Variants in PRKCE observed in about 807,000 individuals in gnomAD.
The protein encoded by PRKCE is protein kinase C epsilon type.
A neutral mutation model predicts 85.4 loss-of-function variants in PRKCE; 16 were observed. That is an observed-to-expected ratio of 0.19 (90% CI 0.13 to 0.28). The LOEUF is 0.28. PRKCE is among the 10% of genes least tolerant of loss of function. The pLI is 1.00. For synonymous variants in PRKCE, 388 were observed against 371.5 expected (o/e 1.04, Z -0.51); for missense variants, 573 against 975.2 (o/e 0.59, Z 5.49).
intron 1 of PRKCE, among the ~76,000 whole-genome samples, chr2:45,727,409 A>C (rs1681169468): frequency 6.6e-6 from 1 of 152,216 alleles, no homozygotes; most frequent in Admixed American, 6.5e-5. Context: ...CTAATGGGAG[A>C]GATCACTGGG....
chr2:46,130,879 T>C (rs1341065790), intron 11 of PRKCE, among the ~76,000 whole-genome samples: 1 of 152,246 alleles, frequency 6.6e-6, no homozygotes, highest in Non-Finnish European at 1.5e-5. Flanking sequence ...CTGTACTTCG[T>C]GTGCGCACCC....
intron 1 of PRKCE, among the ~76,000 whole-genome samples, chr2:45,660,565 C>T (rs1675590784): frequency 1.3e-5 from 2 of 152,168 alleles, no homozygotes; most frequent in Non-Finnish European, 2.9e-5. Context: ...TTGGCAGCAA[C>T]AAGAAACGAA....
chr2:45,825,738 A>G (rs1447854693), intron 1 of PRKCE, among the ~76,000 whole-genome samples: 1 of 152,174 alleles, frequency 6.6e-6, no homozygotes, highest in Non-Finnish European at 1.5e-5. Context: ...GTTAAAAAAA[A>G]TTAGCCAGGC....
intron 1 of PRKCE, among the ~76,000 whole-genome samples, chr2:45,794,178 T>C (rs1323088113): frequency 6.6e-6 from 1 of 152,168 alleles, no homozygotes; most frequent in Non-Finnish European, 1.5e-5. Flanking sequence ...CATTGATTTA[T>C]GAATTATGGC....
rs570199295 is a variant in PRKCE at position 46,159,766 on chromosome 2, C to G, written c.2067+14C>G. 1 of 1,599,028 alleles carries G rather than the reference C, an allele frequency of 6.3e-7. No homozygotes were observed. Among genetic ancestry groups the G allele is most frequent in the Non-Finnish European group, 8.5e-7 (1 of 1,179,716 alleles). ...AAACCACGCATTGTAAGTTGGTCCC[C>G]GTGCACGTTCAGCACCATGGGTCGG... On this transcript the variant is annotated intron_variant, in intron 14 of 14. Transcript: ENST00000306156. The surrounding 1 kb of genome is among the most constrained non-coding windows in gnomAD (Gnocchi z 4.1).
chr2:45,913,177 C>T (rs754751224), intron 2 of PRKCE, among the ~76,000 whole-genome samples: 1 of 152,286 alleles, frequency 6.6e-6, no homozygotes, highest in East Asian at 1.9e-4. Context: ...GACAGGGTCT[C>T]GCTTTGTTAC....
At chr2:45,928,795 G>C (rs970595152) in intron 2 of PRKCE, among the ~76,000 whole-genome samples, 10 of 151,952 alleles carry the variant, frequency 6.6e-5, no homozygotes, top group African/African-American at 2.4e-4. Context: ...TTCCTAGAAA[G>C]GTCCGCAGCT....
At chr2:45,803,274 G>A (rs571364219) in intron 1 of PRKCE, among the ~76,000 whole-genome samples, 65 of 152,306 alleles carry the variant, frequency 4.3e-4, no homozygotes, top group Non-Finnish European at 7.8e-4. Flanking sequence ...TCTTTTAGCC[G>A]TGACCATTTC....
intron 14 of PRKCE, among the ~76,000 whole-genome samples, chr2:46,179,728 G>A (rs577664959): frequency 1.2e-4 from 19 of 152,124 alleles, no homozygotes; most frequent in Non-Finnish European, 2.4e-4. Context: ...CAAGTCCTGG[G>A]AGAAGAAATT....
intron 1 of PRKCE, among the ~76,000 whole-genome samples, chr2:45,674,257 A>G (rs1676315066): frequency 6.6e-6 from 1 of 152,152 alleles, no homozygotes; most frequent in Non-Finnish European, 1.5e-5. Context: ...CTCTTGGCTG[A>G]GTATAAACTC....
At chr2:45,816,535 C>T (rs1227427472) in intron 1 of PRKCE, among the ~76,000 whole-genome samples, 2 of 152,204 alleles carry the variant, frequency 1.3e-5, no homozygotes, top group Admixed American at 1.3e-4. Flanking sequence ...TAGCACTGGC[C>T]AGACTCCAGA....
At chr2:45,760,861 G>C (rs558958639) in intron 1 of PRKCE, among the ~76,000 whole-genome samples, 35 of 152,176 alleles carry the variant, frequency 2.3e-4, no homozygotes, top group African/African-American at 8.4e-4. Flanking sequence ...GTGTCCAGAG[G>C]CATAAAGGGA....
chr2:45,931,162 G>A (rs1203210802), intron 2 of PRKCE, among the ~76,000 whole-genome samples: 2 of 152,180 alleles, frequency 1.3e-5, no homozygotes, highest in Non-Finnish European at 2.9e-5. Context: ...TGATATTTTA[G>A]TATTTCTGTT....
intron 2 of PRKCE, among the ~76,000 whole-genome samples, chr2:45,863,295 T>G (rs1213723869): frequency 1.6e-4 from 24 of 152,128 alleles, no homozygotes; most frequent in Admixed American, 1.6e-3. Flanking sequence ...AATGTAGCCC[T>G]TGGTATCTCC....
chr2:46,092,442 G>C (rs1670261398), intron 11 of PRKCE, among the ~76,000 whole-genome samples: 2 of 152,178 alleles, frequency 1.3e-5, no homozygotes, highest in African/African-American at 4.8e-5. Flanking sequence ...GCAGAGGGGA[G>C]ACAAGGAGAA....
chr2:46,182,701 A>C (rs1680116517), intron 14 of PRKCE, among the ~76,000 whole-genome samples: 1 of 152,026 alleles, frequency 6.6e-6, no homozygotes, highest in Non-Finnish European at 1.5e-5. Context: ...TGTGATTTTG[A>C]TTTCAACCTG....
At chr2:45,945,649 T>C (rs780436194) in intron 2 of PRKCE, among the ~76,000 whole-genome samples, 5 of 152,230 alleles carry the variant, frequency 3.3e-5, no homozygotes, top group Non-Finnish European at 7.3e-5. Context: ...TTCCATGAGC[T>C]ATCACGTTCA....
At chr2:46,151,381 GA>G in intron 13 of PRKCE, 152 bp downstream of exon 13, 1 of 852,126 alleles carries the variant, frequency 1.2e-6, no homozygotes, top group Non-Finnish European at 1.8e-6. Context: ...CATCACCACG[GA>G]ATGGGAAGGA....
intron 1 of PRKCE, among the ~76,000 whole-genome samples, chr2:45,835,558 C>T (rs1269858677): frequency 6.6e-6 from 1 of 151,254 alleles, no homozygotes; most frequent in Non-Finnish European, 1.5e-5. Flanking sequence ...GCTTCTTTCA[C>T]ATAGCATCCA....
Sources: allele counts gnomAD v4.1 joint callset (sites outside exome capture counted in the v4.1 genomes callset), GRCh38; gene constraint gnomAD v4.1.1; non-coding constraint Gnocchi (gnomAD v3.1); transcripts MANE v1.5; gene names NCBI Gene and HGNC (gene_info 2026-07-23, HGNC 2026-07-21).